The following PTPRD variants were observed in gnomAD, a reference collection of about 807,000 sequenced individuals.
PTPRD encodes receptor-type tyrosine-protein phosphatase delta.
In PTPRD, 34 loss-of-function variants were observed where a neutral mutation model predicts 214.5. The observed-to-expected ratio is 0.16, with a 90% CI of 0.12 to 0.21. The LOEUF is 0.21. PTPRD is among the 10% of genes least tolerant of loss of function. The pLI is 1.00. For synonymous variants in PTPRD, 1,128 were observed against 845.7 expected (o/e 1.33, Z -5.79); for missense variants, 2,545 against 2,398.7 (o/e 1.06, Z -1.27).
chr9:9,632,471 C>G (rs934355249), intron 7 of PTPRD, among the ~76,000 whole-genome samples: 9 of 151,870 alleles, frequency 5.9e-5, no homozygotes, highest in African/African-American at 1.9e-4. Flanking sequence ...AAAAATGTTT[C>G]CAAGTTAGGT....
intron 7 of PTPRD, among the ~76,000 whole-genome samples, chr9:9,610,714 T>C (rs1013544864): frequency 2.0e-5 from 3 of 152,320 alleles, no homozygotes; most frequent in African/African-American, 2.4e-5. Context: ...TTAACTAGTA[T>C]AATTATTGTT....
chr9:9,242,540 CT>C (rs1313172889), intron 9 of PTPRD, among the ~76,000 whole-genome samples: 13 of 151,978 alleles, frequency 8.6e-5, no homozygotes, highest in African/African-American at 3.1e-4. Flanking sequence ...GGCTTTGTTT[CT>C]TTTTATTCTT....
chr9:8,937,482 A>G (rs2099005585), intron 11 of PTPRD, among the ~76,000 whole-genome samples: 1 of 152,120 alleles, frequency 6.6e-6, no homozygotes, highest in Non-Finnish European at 1.5e-5. Flanking sequence ...GACTGTCATA[A>G]ATCAGTTCCA....
At chr9:8,810,467 G>C (rs142711536) in intron 11 of PTPRD, among the ~76,000 whole-genome samples, 2 of 152,236 alleles carry the variant, frequency 1.3e-5, no homozygotes, top group East Asian at 3.9e-4. Context: ...GAAAGATTCA[G>C]ACTGCATGGG....
intron 26 of PTPRD, among the ~76,000 whole-genome samples, chr9:8,496,438 A>C (rs1009552535): frequency 6.6e-6 from 1 of 152,216 alleles, no homozygotes; most frequent in African/African-American, 2.4e-5. Flanking sequence ...CTAGCCACTT[A>C]GAATGTAAAC....
chr9:9,916,193 C>T (rs2080748630), intron 5 of PTPRD, among the ~76,000 whole-genome samples: 1 of 151,674 alleles, frequency 6.6e-6, no homozygotes, highest in Admixed American at 6.6e-5. Context: ...TAAGGGAACT[C>T]ATTACTACTA....
chr9:9,432,811 T>G (rs1569568281), intron 8 of PTPRD, among the ~76,000 whole-genome samples: 1 of 152,192 alleles, frequency 6.6e-6, no homozygotes, highest in Admixed American at 6.5e-5. Flanking sequence ...TAATTTGATT[T>G]CTTATATTTC....
At chr9:9,292,292 T>G (rs1416106114) in intron 9 of PTPRD, among the ~76,000 whole-genome samples, 1 of 151,356 alleles carries the variant, frequency 6.6e-6, no homozygotes, top group Non-Finnish European at 1.5e-5. Context: ...GATAGAAGAC[T>G]TCAAAGTCAA....
At position 9,689,466 on chromosome 9, in the gene PTPRD, T is replaced by C. The variant is rs146753463; in HGVS notation, c.-287+45067A>G. On this transcript the variant is annotated intron_variant, in intron 7 of 45. Coordinates refer to ENST00000381196, the MANE Select transcript of PTPRD (RefSeq NM_002839.4). ...CATGTAATATATCTATGATCTTAAA[T>C]ATTTATCTTTTATTTATGTTGTGAA... is the stretch of plus-strand genomic sequence containing the variant. Among the ~76,000 whole-genome samples the C allele has an allele frequency of 3.4e-3, 515 of 152,066 alleles. 2 individuals are homozygous for C. The highest frequency in any genetic ancestry group is 4.3e-3 in the Non-Finnish European group (289 of 67,890).
At chr9:9,791,953 T>C (rs976124221) in intron 5 of PTPRD, among the ~76,000 whole-genome samples, 2 of 152,160 alleles carry the variant, frequency 1.3e-5, no homozygotes, top group African/African-American at 4.8e-5. Flanking sequence ...TAAGGACACA[T>C]ATTTGAATAA....
chr9:10,252,932 C>T (rs867051218), intron 3 of PTPRD, among the ~76,000 whole-genome samples: 6 of 151,810 alleles, frequency 4.0e-5, no homozygotes, highest in African/African-American at 7.3e-5. Context: ...TACAGGTGTG[C>T]GCCACCACAC....
chr9:9,590,738 A>G (rs978832540), intron 7 of PTPRD, among the ~76,000 whole-genome samples: 5 of 152,048 alleles, frequency 3.3e-5, no homozygotes, highest in African/African-American at 1.2e-4. Flanking sequence ...GGCATATTAC[A>G]TTCTCAAATA....
intron 5 of PTPRD, among the ~76,000 whole-genome samples, chr9:9,797,098 G>T (rs547685452): frequency 1.3e-5 from 2 of 151,490 alleles, no homozygotes; most frequent in South Asian, 4.2e-4. Flanking sequence ...AAATACATGG[G>T]GAAGGAATAA....
At chr9:10,146,165 A>ATATATG in intron 3 of PTPRD, among the ~76,000 whole-genome samples, 1 of 151,224 alleles carries the variant, frequency 6.6e-6, no homozygotes, top group African/African-American at 2.4e-5. Context: ...ATATATATAT[A>ATATATG]TATGTATATG....
intron 3 of PTPRD, among the ~76,000 whole-genome samples, chr9:10,307,614 T>C (rs1219871106): frequency 6.6e-6 from 1 of 152,042 alleles, no homozygotes; most frequent in Non-Finnish European, 1.5e-5. Context: ...TAGTTATTGT[T>C]TGAGAAATAT....
intron 4 of PTPRD, among the ~76,000 whole-genome samples, chr9:9,951,285 CA>C (rs1257988404): frequency 6.6e-5 from 10 of 152,114 alleles, no homozygotes; most frequent in Admixed American, 5.2e-4. Context: ...CTAAGGGCCT[CA>C]ATGGCAGTGT....
chr9:9,495,900 G>A (rs920268342), intron 8 of PTPRD, among the ~76,000 whole-genome samples: 5 of 152,146 alleles, frequency 3.3e-5, no homozygotes, highest in Admixed American at 6.5e-5. Flanking sequence ...GAAACCAACA[G>A]AACACTGTAA....
chr9:8,322,362 T>A (rs1043937538), intron 44 of PTPRD, among the ~76,000 whole-genome samples: 1 of 152,194 alleles, frequency 6.6e-6, no homozygotes, highest in South Asian at 2.1e-4. Flanking sequence ...TAGTTGTGAA[T>A]GCAAAGTTCC....
chr9:10,102,232 A>G (rs2098557714), intron 3 of PTPRD, among the ~76,000 whole-genome samples: 1 of 151,632 alleles, frequency 6.6e-6, no homozygotes. Context: ...TTATCTTTTG[A>G]GACTCACATT....
Sources: gnomAD v4.1 joint callset for allele counts (sites outside exome capture counted in the v4.1 genomes callset) on GRCh38, gnomAD v4.1.1 for gene constraint, MANE v1.5 for transcripts, NCBI Gene and HGNC (gene_info 2026-07-23, HGNC 2026-07-21) for gene names.